TNNI3K: variants seen among roughly 807,000 people sequenced by gnomAD.
The protein encoded by TNNI3K is serine/threonine-protein kinase TNNI3K.
TNNI3K carries 140 observed loss-of-function variants against 114.5 expected under a neutral mutation model. The observed-to-expected ratio is 1.22, with a 90% CI of 1.07 to 1.41. The LOEUF is 1.41. Among genes scored for constraint, TNNI3K ranks in the 40% most tolerant of loss-of-function variants. The probability of loss-of-function intolerance (pLI) is 0.00; values close to 1 mark genes in which losing one functional copy is unlikely to be tolerated. For synonymous variants in TNNI3K, 347 were observed against 347.5 expected (o/e 1.00, Z 0.02); for missense variants, 1,125 against 1,007.6 (o/e 1.12, Z -1.58).
intron 11 of TNNI3K, among the ~76,000 whole-genome samples, chr1:74,362,304 T>TA (rs1163404309): frequency 6.6e-6 from 1 of 152,180 alleles, no homozygotes; most frequent in Non-Finnish European, 1.5e-5. Flanking sequence ...GGGCCAGGTA[T>TA]AAAGTAAGGC....
chr1:74,464,662 G>A lies in TNNI3K; in HGVS notation c.2121+1112G>A, dbSNP rs1374397821. On this transcript the variant is annotated intron_variant, in intron 21 of 24. Coordinates refer to ENST00000326637, the MANE Select transcript of TNNI3K (RefSeq NM_015978.3). Reference sequence around the variant, plus strand: ...AAAATCCAGACCAAGTCATTACCCAGTCTCATCTGTGTACACAGAAACTCT... The same window carrying A: ...AAAATCCAGACCAAGTCATTACCCAATCTCATCTGTGTACACAGAAACTCT... 1.9e-6 allele frequency: 3 copies of A among 1,595,394 alleles called. No individual in the cohort carries two copies. In the South Asian group the frequency reaches 3.4e-5, roughly 18 times the overall value.
Position 74,369,627 on chromosome 1 carries a change from G to A in TNNI3K, c.1667+42G>A, listed in dbSNP as rs201784931. The A allele has an allele frequency of 7.9e-6, 12 of 1,522,928 alleles. No individual in the cohort carries two copies. In the South Asian group the frequency reaches 1.3e-4, roughly 17 times the overall value. 94.3% of individuals were successfully genotyped at this position (1,522,928 alleles called of 1,614,324 possible). A position where few individuals can be genotyped will look rare whatever the true frequency, so the allele number is the denominator to read the frequency against. On this transcript the variant is annotated intron_variant, in intron 16 of 24. Transcript: ENST00000326637. ...CTGATTTATCCTTGGACATTCCGTA[G>A]AAACTACTCTTGCAATACTTCAGAG...
intron 5 of TNNI3K, among the ~76,000 whole-genome samples, chr1:74,275,952 A>G (rs1290465661): frequency 2.6e-5 from 4 of 152,146 alleles, no homozygotes; most frequent in African/African-American, 9.6e-5. Context: ...CATAGGAAAC[A>G]GGGACTAATT....
chr1:74,282,806 T>A (rs1657093906), intron 5 of TNNI3K, among the ~76,000 whole-genome samples: 1 of 152,222 alleles, frequency 6.6e-6, no homozygotes, highest in African/African-American at 2.4e-5. Context: ...TATTACCTTG[T>A]CTCTGATAAG....
intron 17 of TNNI3K, among the ~76,000 whole-genome samples, chr1:74,395,417 G>A (rs915824522): frequency 6.6e-6 from 1 of 152,120 alleles, no homozygotes; most frequent in African/African-American, 2.4e-5. Flanking sequence ...CTCTGCCCAA[G>A]TGTCTTGTCT....
rs1184856538 is a variant in TNNI3K at position 74,475,329 on chromosome 1, A to G, written c.2121+11779A>G. Reference sequence around the variant, plus strand: ...TTATTATATGGTGTTGCAGAGTTTGAGGCTGGACTTCTCCAGGCTCAAGAT... The same window carrying G: ...TTATTATATGGTGTTGCAGAGTTTGGGGCTGGACTTCTCCAGGCTCAAGAT... On this transcript the variant is annotated intron_variant, in intron 21 of 24. Coordinates refer to ENST00000326637, the MANE Select transcript of TNNI3K (RefSeq NM_015978.3). 6 of 706,024 alleles carry G rather than the reference A, an allele frequency of 8.5e-6. 1 individual carries two copies. The highest frequency in any genetic ancestry group is 6.1e-5 in the South Asian group (4 of 66,094). The allele number at this position is 706,024 out of a possible 1,614,324, so 43.7% of individuals were successfully genotyped here. A position where few individuals can be genotyped will look rare whatever the true frequency, so the allele number is the denominator to read the frequency against.
chr1:74,364,446 T>C (rs1346394168), intron 11 of TNNI3K, among the ~76,000 whole-genome samples: 1 of 151,750 alleles, frequency 6.6e-6, no homozygotes, highest in Admixed American at 6.6e-5. Context: ...TTCATGAAAC[T>C]GGATGTGGTA....
At chr1:74,541,086 CT>C in intron 24 of TNNI3K, among the ~76,000 whole-genome samples, 1 of 152,070 alleles carries the variant, frequency 6.6e-6, no homozygotes, top group East Asian at 1.9e-4. Context: ...TTGCAACTTC[CT>C]TTGACTATTT....
chr1:74,308,990 T>C lies in TNNI3K; in HGVS notation c.445-22460T>C, dbSNP rs551586693. 8.5e-5 allele frequency among the ~76,000 whole-genome samples: 13 copies of C among 152,198 alleles called. No individual in the cohort carries two copies. The East Asian group carries it at 2.3e-3, about 27-fold the overall frequency. ...CCTCAAACCAAACAATAAAAAATTA[T>C]GAAACTGAATCAGTGATAGAAAAAC... On this transcript the variant is annotated intron_variant, in intron 5 of 24. Coordinates refer to ENST00000326637, the MANE Select transcript of TNNI3K (RefSeq NM_015978.3).
At chr1:74,518,198 C>A (rs1646376228) in intron 23 of TNNI3K, among the ~76,000 whole-genome samples, 1 of 152,076 alleles carries the variant, frequency 6.6e-6, no homozygotes, top group African/African-American at 2.4e-5. Context: ...AGAGGGTTTG[C>A]TGATCAATGG....
At chr1:74,274,789 C>T (rs1471753534) in intron 5 of TNNI3K, among the ~76,000 whole-genome samples, 2 of 152,002 alleles carry the variant, frequency 1.3e-5, no homozygotes, top group African/African-American at 4.8e-5. Flanking sequence ...GCCTACTGAA[C>T]ATCATAGCTT....
At chr1:74,330,449 T>C (rs2100409822) in intron 5 of TNNI3K, among the ~76,000 whole-genome samples, 1 of 152,150 alleles carries the variant, frequency 6.6e-6, no homozygotes, top group East Asian at 1.9e-4. Flanking sequence ...TATATTTACC[T>C]TCCCCCAATT....
rs373266105 is a variant in TNNI3K at position 74,496,926 on chromosome 1, T to C, written c.2351+4660T>C. On this transcript the variant is annotated intron_variant, in intron 23 of 24. Coordinates refer to ENST00000326637, the MANE Select transcript of TNNI3K (RefSeq NM_015978.3). ...ATGTGAAAACCAATTAGTGTTTATG[T>C]GGGGCTGGGCTCTAAGAATAGAATG... 2.6e-5 allele frequency among the ~76,000 whole-genome samples: 4 copies of C among 152,280 alleles called. No individual in the cohort carries two copies. In the East Asian group the frequency reaches 7.7e-4, roughly 29 times the overall value.
At chr1:74,344,781 T>G (rs1660914648) in intron 9 of TNNI3K, among the ~76,000 whole-genome samples, 2 of 152,178 alleles carry the variant, frequency 1.3e-5, no homozygotes, top group Non-Finnish European at 2.9e-5. Context: ...TATACCCAAT[T>G]GTTTTATTTC....
intron 21 of TNNI3K, chr1:74,470,542 G>T (rs1170874004): frequency 2.5e-6 from 1 of 400,658 alleles, no homozygotes. Context: ...ATTTTGGTAT[G>T]GAATTGAATT....
intron 17 of TNNI3K, among the ~76,000 whole-genome samples, chr1:74,422,769 A>C (rs573151282): frequency 2.2e-4 from 34 of 152,254 alleles, no homozygotes; most frequent in Non-Finnish European, 3.8e-4. Flanking sequence ...GACAAAAAAA[A>C]ACCCACTAAA....
At chr1:74,494,561 T>C (rs1362410014) in intron 23 of TNNI3K, among the ~76,000 whole-genome samples, 1 of 152,196 alleles carries the variant, frequency 6.6e-6, no homozygotes, top group Non-Finnish European at 1.5e-5. Flanking sequence ...TATCTTCTGT[T>C]CTTATTCTCT....
At chr1:74,247,401 G>A (rs148853861) in intron 2 of TNNI3K, among the ~76,000 whole-genome samples, 75 of 152,290 alleles carry the variant, frequency 4.9e-4, no homozygotes, top group Middle Eastern at 3.4e-3. Flanking sequence ...AAGGCAGTGC[G>A]GACCCAAAGA....
In TNNI3K at chr1:74,312,955, T is replaced by C. The variant is rs3753187; in HGVS notation, c.445-18495T>C. ...ATCAATGCGGCCACCTGAGCTCCCATGGAAAGGCTCAGTTCTGTTTTAGAA... is the reference window on the plus strand; with the variant it reads ...ATCAATGCGGCCACCTGAGCTCCCACGGAAAGGCTCAGTTCTGTTTTAGAA... On this transcript the variant is annotated intron_variant, in intron 5 of 24. Coordinates refer to ENST00000326637, the MANE Select transcript of TNNI3K (RefSeq NM_015978.3). Among the ~76,000 whole-genome samples, 26 of 152,266 alleles carry C rather than the reference T, an allele frequency of 1.7e-4. 1 individual carries two copies. The East Asian group carries it at 5.0e-3, about 29-fold the overall frequency.
Sources: allele counts gnomAD v4.1 joint callset (sites outside exome capture counted in the v4.1 genomes callset), GRCh38; gene constraint gnomAD v4.1.1; transcripts MANE v1.5; gene names NCBI Gene and HGNC (gene_info 2026-07-23, HGNC 2026-07-21).